IGSF21: variants seen among roughly 807,000 people sequenced by gnomAD.
IGSF21 encodes immunoglobin superfamily member 21.
Under a neutral mutation model 46.8 loss-of-function variants are expected in IGSF21, and 28 were observed. The ratio of observed to expected loss-of-function variants is 0.60; its 90% CI spans 0.44 to 0.82. The LOEUF (loss-of-function observed/expected upper bound fraction) is 0.82, where lower values mean the gene tolerates loss of function less well. Ranked by LOEUF, IGSF21 falls within the 40% of genes least tolerant of loss-of-function variation. The pLI is 0.00. For synonymous variants in IGSF21, 284 were observed against 273.6 expected (o/e 1.04, Z -0.38); for missense variants, 624 against 665.5 (o/e 0.94, Z 0.69).
At chr1:18,273,256 G>A (rs572345448) in intron 2 of IGSF21, among the ~76,000 whole-genome samples, 34 of 151,558 alleles carry the variant, frequency 2.2e-4, no homozygotes, top group African/African-American at 8.2e-4. Flanking sequence ...GGCCAGGCTG[G>A]TCTTGAACTC....
At chr1:18,165,769 G>T (rs554045178) in intron 1 of IGSF21, among the ~76,000 whole-genome samples, 2 of 152,274 alleles carry the variant, frequency 1.3e-5, no homozygotes, top group East Asian at 3.9e-4. Flanking sequence ...ATTTGCCCTG[G>T]CATGTTTATA....
Position 18,227,994 on chromosome 1 carries a change from A to C in IGSF21, c.167A>C (p.Glu56Ala). 1 of 1,613,770 alleles carries C rather than the reference A, an allele frequency of 6.2e-7. No homozygotes were observed. The highest frequency in any genetic ancestry group is 8.5e-7 in the Non-Finnish European group (1 of 1,179,720). Residue 56 changes from glutamate (E) to alanine (A), a missense_variant, in exon 2 of 10, where the codon GAG (glutamate) becomes GCG (alanine). Glu to Ala is a moderately radical substitution (Grantham distance 107). Transcript: ENST00000251296. ...TTCAAGACAGATGGGCGCATGCGGG[A>C]GATCGTGTGGTACCGGGTAAGTCAC... is the stretch of plus-strand genomic sequence containing the variant. The part of the protein sequence containing the change: ...CNFKTDGRMR[E>A]IVWYRVTDGG...
intron 1 of IGSF21, among the ~76,000 whole-genome samples, chr1:18,169,678 GA>G (rs746421209): frequency 3.9e-5 from 6 of 152,198 alleles, no homozygotes; most frequent in Non-Finnish European, 7.3e-5. Context: ...CTGATTAACA[GA>G]AATGAAAGAT....
At chr1:18,157,055 C>T (rs968009305) in intron 1 of IGSF21, among the ~76,000 whole-genome samples, 5 of 151,894 alleles carry the variant, frequency 3.3e-5, no homozygotes, top group African/African-American at 4.8e-5. Context: ...ACCCGGAAGG[C>T]GGAGTTTGCA....
chr1:18,164,666 C>A (rs2086660444), intron 1 of IGSF21, among the ~76,000 whole-genome samples: 1 of 151,930 alleles, frequency 6.6e-6, no homozygotes, highest in Non-Finnish European at 1.5e-5. Flanking sequence ...ATTTGTATTT[C>A]TTTCTTCGCG....
intron 2 of IGSF21, among the ~76,000 whole-genome samples, chr1:18,272,172 C>G (rs920304973): frequency 6.6e-5 from 10 of 152,128 alleles, no homozygotes; most frequent in Non-Finnish European, 1.3e-4. Flanking sequence ...GGGTTTTCCC[C>G]TTATAAAACC....
intron 4 of IGSF21, among the ~76,000 whole-genome samples, chr1:18,336,657 A>C (rs1347212587): frequency 6.6e-6 from 1 of 152,150 alleles, no homozygotes; most frequent in African/African-American, 2.4e-5. Flanking sequence ...CCATCCCTCC[A>C]TGAGGCCCAC....
At chr1:18,125,069 A>G (rs993401635) in intron 1 of IGSF21, among the ~76,000 whole-genome samples, 2 of 152,044 alleles carry the variant, frequency 1.3e-5, no homozygotes, top group Admixed American at 6.5e-5. Context: ...GAAGAGGAGG[A>G]TGGTTGCCAT....
chr1:18,271,199 C>T (rs1007866603), intron 2 of IGSF21, among the ~76,000 whole-genome samples: 3 of 152,138 alleles, frequency 2.0e-5, no homozygotes, highest in Non-Finnish European at 2.9e-5. Flanking sequence ...CACCACCCAC[C>T]GTAGACATAC....
intron 3 of IGSF21, among the ~76,000 whole-genome samples, chr1:18,298,404 A>G (rs536281208): frequency 1.3e-5 from 2 of 152,200 alleles, no homozygotes; most frequent in Non-Finnish European, 2.9e-5. Flanking sequence ...GAATGTGGCC[A>G]TCCCAGAGGG....
chr1:18,334,900 A>G lies in IGSF21; in HGVS notation c.314A>G (p.Glu105Gly). ...TCTTCTGCCTCCCCCAGGCTGCCCG[A>G]GGTCCGGATCTCAGACAATGGTCCC... The part of the protein sequence containing the change: ...LVYQSTVRLP[E>G]VRISDNGPYE... The change falls in exon 4 of 10, where the codon GAG (glutamate) becomes GGG (glycine). Residue 105 changes from glutamate to glycine, a missense_variant. By Grantham distance (98) the Glu-to-Gly change is moderately conservative. Coordinates refer to ENST00000251296, the MANE Select transcript of IGSF21 (RefSeq NM_032880.5). The surrounding 1 kb of genome is among the most constrained non-coding windows in gnomAD (Gnocchi z 4.3). The G allele has an allele frequency of 6.2e-7, 1 of 1,613,744 alleles. No individual in the cohort carries two copies. The highest frequency in any genetic ancestry group is 8.5e-7 in the Non-Finnish European group (1 of 1,179,750).
rs80292450 is a variant in IGSF21 at position 18,123,136 on chromosome 1, C to T, written c.70+14938C>T. 5.7e-3 allele frequency among the ~76,000 whole-genome samples: 874 copies of T among 152,166 alleles called. 8 individuals are homozygous for T. Among genetic ancestry groups the T allele is most frequent in the African/African-American group, 0.02 (821 of 41,496 alleles). ...TGTGACTATCCCACTCTCCCGGGTCCGTAAAATGAAAGGGTGAGTCCGGAT... is the reference window on the plus strand; with the variant it reads ...TGTGACTATCCCACTCTCCCGGGTCTGTAAAATGAAAGGGTGAGTCCGGAT... On this transcript the variant is annotated intron_variant, in intron 1 of 9. Coordinates refer to ENST00000251296, the MANE Select transcript of IGSF21 (RefSeq NM_032880.5).
Position 18,304,019 on chromosome 1 carries a change from TG to T in IGSF21, c.305+12036del, listed in dbSNP as rs201576005. Among the ~76,000 whole-genome samples the T allele has an allele frequency of 1.7e-4, 26 of 151,584 alleles. No homozygotes were observed. In the East Asian group the frequency reaches 5.1e-3, roughly 30 times the overall value. On this transcript the variant is annotated intron_variant, in intron 3 of 9. Coordinates refer to ENST00000251296, the MANE Select transcript of IGSF21 (RefSeq NM_032880.5). ...AAATGATGAAGCAGGGAGATTGGGG[TG>T]GGGTGTGATGGGGCTGGACAGGCGG... is the stretch of plus-strand genomic sequence containing the variant.
intron 1 of IGSF21, among the ~76,000 whole-genome samples, chr1:18,199,522 G>A (rs2087045887): frequency 6.6e-6 from 1 of 152,118 alleles, no homozygotes; most frequent in Non-Finnish European, 1.5e-5. Flanking sequence ...TGTCAATCCA[G>A]GCATCCGACT....
At chr1:18,223,079 G>C (rs2084527288) in intron 1 of IGSF21, among the ~76,000 whole-genome samples, 1 of 152,216 alleles carries the variant, frequency 6.6e-6, no homozygotes, top group African/African-American at 2.4e-5. Flanking sequence ...TGTTTGTCCT[G>C]GCCTTGGATA....
chr1:18,347,680 C>T (rs2085908278), intron 4 of IGSF21, among the ~76,000 whole-genome samples: 1 of 152,192 alleles, frequency 6.6e-6, no homozygotes, highest in Admixed American at 6.5e-5. Flanking sequence ...GCCTTTGAAA[C>T]CTCTGACCCA....
intron 1 of IGSF21, among the ~76,000 whole-genome samples, chr1:18,209,754 C>T (rs2084370436): frequency 2.0e-5 from 3 of 152,134 alleles, no homozygotes; most frequent in Admixed American, 6.5e-5. Context: ...GCCACCGCAC[C>T]CGGCCAGGCC....
rs1243791949 is a variant in IGSF21, at chr1:18,213,229, CTT to C, written c.71-14663_71-14662del. Reference sequence around the variant, plus strand: ...TTCATTCATCTTATTCATTCATTCACTTTTTTTCCACCAAGAACGTTATTGAA... The same window carrying C: ...TTCATTCATCTTATTCATTCATTCACTTTTTCCACCAAGAACGTTATTGAA... On this transcript the variant is annotated intron_variant, in intron 1 of 9. Transcript: ENST00000251296. Among the ~76,000 whole-genome samples, 10 of 152,314 alleles carry C rather than the reference CTT, an allele frequency of 6.6e-5. 1 individual carries two copies. The East Asian group carries it at 1.9e-3, about 29-fold the overall frequency.
chr1:18,310,584 G>A (rs1003731819), intron 3 of IGSF21, among the ~76,000 whole-genome samples: 3 of 152,274 alleles, frequency 2.0e-5, no homozygotes, highest in African/African-American at 7.2e-5. Context: ...TTTCTTGGAG[G>A]TATCCCTTGG....
Sources: gnomAD v4.1 joint callset for allele counts (sites outside exome capture counted in the v4.1 genomes callset) on GRCh38, gnomAD v4.1.1 for gene constraint, Gnocchi (gnomAD v3.1) non-coding constraint, MANE v1.5 for transcripts, NCBI Gene and HGNC (gene_info 2026-07-23, HGNC 2026-07-21) for gene names.